Variants in SRPK2 observed in about 807,000 individuals in gnomAD.
SRPK2 encodes the protein SFRS protein kinase 2.
Under a neutral mutation model 90.8 loss-of-function variants are expected in SRPK2, and 21 were observed. The observed-to-expected ratio is 0.23, with a 90% CI of 0.16 to 0.33. The LOEUF is 0.33. Among genes scored for constraint, SRPK2 ranks in the 10% least tolerant of loss-of-function variants. The pLI is 1.00. For missense variants in SRPK2, 620 were observed against 869.0 expected, an observed-to-expected ratio of 0.71 and a Z score of 3.60; for synonymous variants, 288 against 311.1, an observed-to-expected ratio of 0.93 and a Z score of 0.78.
intron 11 of SRPK2, among the ~76,000 whole-genome samples, chr7:105,139,191 G>A (rs749775648): frequency 1.3e-5 from 2 of 152,172 alleles, no homozygotes; most frequent in Non-Finnish European, 2.9e-5. Context: ...CTGATCGGGT[G>A]AGCATACTGC....
At chr7:105,387,883 G>C (rs1052132233) in intron 2 of SRPK2, among the ~76,000 whole-genome samples, 7 of 152,296 alleles carry the variant, frequency 4.6e-5, no homozygotes, top group East Asian at 1.9e-4. Context: ...CCCCCTGCTC[G>C]GGTGAGCGGC....
intron 2 of SRPK2, among the ~76,000 whole-genome samples, chr7:105,227,893 C>CAAAAA (rs566478716): frequency 7.1e-5 from 6 of 84,688 alleles, no homozygotes; most frequent in East Asian, 3.5e-4. Context: ...TATCATTCAG[C>CAAAAA]AAAAAAAAAA....
In SRPK2 at chr7:105,330,355, AAAAAT is replaced by A. The variant is rs565852309; in HGVS notation, c.71+58288_71+58292del. Among the ~76,000 whole-genome samples the A allele has an allele frequency of 4.6e-5, 7 of 151,492 alleles. No individual in the cohort carries two copies. In the East Asian group the frequency reaches 1.2e-3, roughly 25 times the overall value. The stretch of plus-strand genomic sequence containing the variant: ...CTGTCTCAAAAATAAATAAATAAAT[AAAAAT>A]AAAATAAAATATAAAAAATAAAAAT... On this transcript the variant is annotated intron_variant, in intron 2 of 15. Transcript: ENST00000393651.
At chr7:105,376,344 C>A (rs780809192) in intron 2 of SRPK2, among the ~76,000 whole-genome samples, 12 of 151,210 alleles carry the variant, frequency 7.9e-5, no homozygotes, top group Admixed American at 2.0e-4. Flanking sequence ...CACACCCCTA[C>A]GGCATTCTTC....
intron 11 of SRPK2, 83 bp from the exon 12 acceptor site, chr7:105,133,187 T>C: frequency 7.8e-7 from 1 of 1,277,634 alleles, no homozygotes; most frequent in Non-Finnish European, 1.1e-6. Flanking sequence ...AGGGTCAGTC[T>C]CCTTTCCTCA....
In SRPK2 at chr7:105,225,368, G is replaced by A. The variant is rs1348210522; in HGVS notation, c.72-21583C>T. 1.1e-4 allele frequency among the ~76,000 whole-genome samples: 16 copies of A among 152,308 alleles called. No homozygotes were observed. The East Asian group carries it at 3.1e-3, about 29-fold the overall frequency. On this transcript the variant is annotated intron_variant, in intron 2 of 15. Coordinates refer to ENST00000393651, the MANE Select transcript of SRPK2 (RefSeq NM_182692.3). ...TCTTAACGCTAGAGCAAGCTGCAGT[G>A]AGCTGCCAACCAGCAGATCGTCTGC...
At chr7:105,145,197 C>T (rs1658817649) in intron 9 of SRPK2, 86 bp downstream of exon 9, 4 of 1,069,228 alleles carry the variant, frequency 3.7e-6, no homozygotes, top group African/African-American at 1.6e-5. Context: ...CCTTTAAATA[C>T]ACAACTTTTT....
chr7:105,247,493 C>T lies in SRPK2; in HGVS notation c.72-43708G>A, dbSNP rs531119690. ...ATGCCTACACAACTACAAATAACAC[C>T]GGAGTGCCATACATACCAAAAAACA... On this transcript the variant is annotated intron_variant, in intron 2 of 15. Coordinates refer to ENST00000393651, the MANE Select transcript of SRPK2 (RefSeq NM_182692.3). Among the ~76,000 whole-genome samples the T allele has an allele frequency of 4.2e-4, 62 of 147,412 alleles. 1 individual carries two copies. Among genetic ancestry groups the T allele is most frequent in the Admixed American group, 2.4e-3 (35 of 14,550 alleles).
chr7:105,230,973 A>G (rs1256027309), intron 2 of SRPK2, among the ~76,000 whole-genome samples: 1 of 152,204 alleles, frequency 6.6e-6, no homozygotes. Context: ...TCAGGGGTAC[A>G]TGTGCATGTT....
At chr7:105,175,672 C>T (rs979848971) in intron 3 of SRPK2, among the ~76,000 whole-genome samples, 4 of 151,994 alleles carry the variant, frequency 2.6e-5, no homozygotes, top group African/African-American at 9.7e-5. Flanking sequence ...CCATCATGAG[C>T]AATGAGTGAG....
At chr7:105,373,645 C>T (rs778566458) in intron 2 of SRPK2, among the ~76,000 whole-genome samples, 2 of 151,390 alleles carry the variant, frequency 1.3e-5, no homozygotes, top group East Asian at 1.9e-4. Context: ...TCAAGTGATC[C>T]GCTCGCTTCG....
intron 2 of SRPK2, among the ~76,000 whole-genome samples, chr7:105,233,458 T>C (rs956407695): frequency 6.6e-6 from 1 of 152,170 alleles, no homozygotes; most frequent in Admixed American, 6.5e-5. Context: ...ACTGACAGGC[T>C]CTTTAATGGA....
chr7:105,269,197 T>C (rs1585452796), intron 2 of SRPK2: 5 of 607,428 alleles, frequency 8.2e-6, no homozygotes, highest in Non-Finnish European at 1.0e-5. Flanking sequence ...ACAAGAAATC[T>C]TGAACATCTG....
At chr7:105,325,486 C>CA (rs33959633) in intron 2 of SRPK2, among the ~76,000 whole-genome samples, 24,690 of 86,024 alleles carry the variant, frequency 0.29, 4,456 homozygotes, top group African/African-American at 0.49. Flanking sequence ...ACCAAGTCTT[C>CA]AAAAAAAAAA....
chr7:105,236,197 G>A (rs892368701), intron 2 of SRPK2, among the ~76,000 whole-genome samples: 3 of 152,160 alleles, frequency 2.0e-5, no homozygotes, highest in Non-Finnish European at 4.4e-5. Context: ...TATGCTAGAC[G>A]CTGTTCATCA....
intron 2 of SRPK2, among the ~76,000 whole-genome samples, chr7:105,260,711 G>T (rs1804110780): frequency 6.6e-6 from 1 of 152,072 alleles, no homozygotes; most frequent in African/African-American, 2.4e-5. Flanking sequence ...CCATAAAAAA[G>T]GATGAGTTCA....
At chr7:105,210,522 T>A (rs1796722553) in intron 2 of SRPK2, among the ~76,000 whole-genome samples, 1 of 152,232 alleles carries the variant, frequency 6.6e-6, no homozygotes, top group Non-Finnish European at 1.5e-5. Flanking sequence ...GAACTTCAGA[T>A]AATTTCATGT....
intron 2 of SRPK2, among the ~76,000 whole-genome samples, chr7:105,203,993 A>AT (rs1032204367): frequency 1.3e-5 from 2 of 151,548 alleles, no homozygotes; most frequent in African/African-American, 4.8e-5. Flanking sequence ...ATCTGCCCTT[A>AT]TTAGCTAAGG....
intron 2 of SRPK2, among the ~76,000 whole-genome samples, chr7:105,299,934 T>C (rs1423805187): frequency 6.6e-6 from 1 of 151,520 alleles, no homozygotes; most frequent in East Asian, 1.9e-4. Flanking sequence ...ATCTAAAATA[T>C]TTCCAAAATA....
Sources: allele counts gnomAD v4.1 joint callset (sites outside exome capture counted in the v4.1 genomes callset), GRCh38; gene constraint gnomAD v4.1.1; transcripts MANE v1.5; gene names NCBI Gene and HGNC (gene_info 2026-07-23, HGNC 2026-07-21).